Variants in FBN2 observed in about 807,000 individuals in gnomAD.
FBN2 encodes the protein fibrillin-2.
FBN2 carries 105 observed loss-of-function variants against 355.6 expected under a neutral mutation model. The observed-to-expected ratio is 0.30, with a 90% confidence interval of 0.25 to 0.35. FBN2 has a LOEUF of 0.35. FBN2 is among the 10% of genes least tolerant of loss of function. The probability of loss-of-function intolerance (pLI) is 1.00; values close to 1 mark genes in which losing one functional copy is unlikely to be tolerated. For synonymous variants in FBN2, 1,350 were observed against 1,301.2 expected (o/e 1.04, Z -0.81); for missense variants, 3,280 against 3,758.7 (o/e 0.87, Z 3.33).
At chr5:128,261,634 G>A in intron 64 of FBN2, 102 bp downstream of exon 64, 3 of 973,800 alleles carry the variant, frequency 3.1e-6, no homozygotes, top group Middle Eastern at 2.1e-4. Flanking sequence ...TAAATTCAAG[G>A]TATGATTAAC....
At chr5:128,384,699 G>A (rs1752321065) in intron 11 of FBN2, among the ~76,000 whole-genome samples, 1 of 151,990 alleles carries the variant, frequency 6.6e-6, no homozygotes, top group Non-Finnish European at 1.5e-5. Flanking sequence ...CAGGGTACAT[G>A]GGCTGGGAAA....
Position 128,328,726 on chromosome 5 carries a change from T to C in FBN2, c.4441A>G (p.Thr1481Ala). 6.2e-7 allele frequency: 1 copy of C among 1,614,108 alleles called. No homozygotes were observed. Among genetic ancestry groups the C allele is most frequent in the Non-Finnish European group, 8.5e-7 (1 of 1,180,022 alleles). ...AYRCECEMGF[T>A]PASDSRSCQD... ...CAGGATCTGCTGTCTGAGGCTGGAG[T>C]GAAGCCCATCTCACACTCGCAGCGA... Residue 1481 changes from threonine (T) to alanine (A), a missense_variant, in exon 34 of 65, where the codon ACT becomes GCT. By Grantham distance (58) the Thr-to-Ala change is moderately conservative (BLOSUM62 0). Around this residue, in one of 6 missense-constraint regions of FBN2, gnomAD observed 2,284 missense variants for 2,749.5 expected, o/e 0.83. Transcript: ENST00000262464.
intron 19 of FBN2, among the ~76,000 whole-genome samples, chr5:128,358,473 A>G (rs1308889083): frequency 6.6e-6 from 1 of 152,158 alleles, no homozygotes. Flanking sequence ...ACATAAACAA[A>G]TAACTAGAGG....
At chr5:128,310,780 A>G (rs977838196) in intron 39 of FBN2, among the ~76,000 whole-genome samples, 1 of 152,168 alleles carries the variant, frequency 6.6e-6, no homozygotes, top group Non-Finnish European at 1.5e-5. Context: ...ATGATGAGTA[A>G]GATGTGGACC....
At chr5:128,391,476 G>A (rs191772486) in intron 11 of FBN2, among the ~76,000 whole-genome samples, 47 of 152,080 alleles carry the variant, frequency 3.1e-4, no homozygotes, top group Admixed American at 5.9e-4. Context: ...AACATGCAAT[G>A]GATTCATTGT....
At chr5:128,413,011 T>C (rs975504557) in intron 7 of FBN2, among the ~76,000 whole-genome samples, 5 of 152,204 alleles carry the variant, frequency 3.3e-5, no homozygotes, top group Non-Finnish European at 7.4e-5. Context: ...GATGATGACA[T>C]AGTGCTATTA....
intron 18 of FBN2, among the ~76,000 whole-genome samples, chr5:128,363,414 T>C (rs1021261620): frequency 1.3e-5 from 2 of 152,088 alleles, no homozygotes; most frequent in African/African-American, 4.8e-5. Flanking sequence ...GGTCTCAAAC[T>C]CCTAACCTCA....
intron 15 of FBN2, among the ~76,000 whole-genome samples, chr5:128,372,745 G>A (rs1751974488): frequency 6.6e-6 from 1 of 152,126 alleles, no homozygotes. Flanking sequence ...GCCCTACTCG[G>A]AATCCCAAAG....
chr5:128,337,554 G>A (rs1244355253), intron 27 of FBN2, among the ~76,000 whole-genome samples: 1 of 152,202 alleles, frequency 6.6e-6, no homozygotes, highest in Admixed American at 6.5e-5. Flanking sequence ...AGGAAACCCA[G>A]TGTTTCCATG....
Position 128,374,719 on chromosome 5 carries a change from G to A in FBN2, c.2004C>T (p.Cys668=). The A allele has an allele frequency of 6.2e-7, 1 of 1,613,896 alleles. No homozygotes were observed. The highest frequency in any genetic ancestry group is 2.2e-5 in the East Asian group (1 of 44,874). The part of the protein sequence containing the change: ...DVDECQTPGI[C]MNGHCINSEG... ...CACTGTTGATGCAGTGCCCATTCAT[G>A]CAGATTCCTGGGGTCTGGCATTCAT... Residue 668 remains cysteine (C), a synonymous_variant, in exon 15 of 65, where the codon TGC becomes TGT. Coordinates refer to ENST00000262464, the MANE Select transcript of FBN2 (RefSeq NM_001999.4).
intron 7 of FBN2, among the ~76,000 whole-genome samples, chr5:128,423,819 T>C (rs1753416762): frequency 6.6e-6 from 1 of 152,070 alleles, no homozygotes; most frequent in African/African-American, 2.4e-5. Flanking sequence ...GTGGAACATG[T>C]AGGAGATAGG....
Position 128,318,286 on chromosome 5 carries a change from T to A in FBN2, c.4595-15A>T. 6.2e-7 allele frequency: 1 copy of A among 1,614,020 alleles called. No individual in the cohort carries two copies. The highest frequency in any genetic ancestry group is 8.5e-7 in the Non-Finnish European group (1 of 1,179,900). On this transcript the variant is annotated splice_polypyrimidine_tract_variant and intron_variant, in intron 35 of 64. Coordinates refer to ENST00000262464, the MANE Select transcript of FBN2 (RefSeq NM_001999.4). ...CTCATCAATATCTAGGAGAAGCATT[T>A]AAAATGCCCAGGTTACCATTTTTAC... is the stretch of plus-strand genomic sequence containing the variant.
At chr5:128,417,575 T>C (rs1479825933) in intron 7 of FBN2, among the ~76,000 whole-genome samples, 1 of 152,190 alleles carries the variant, frequency 6.6e-6, no homozygotes, top group East Asian at 1.9e-4. Context: ...ATGGATTTTA[T>C]CAAATGCTTT....
At chr5:128,270,718 T>C (rs1463100573) in intron 62 of FBN2, among the ~76,000 whole-genome samples, 1 of 152,200 alleles carries the variant, frequency 6.6e-6, no homozygotes, top group Non-Finnish European at 1.5e-5. Context: ...ATAGGCAACC[T>C]ACAGAATGTT....
At chr5:128,447,605 C>T (rs529724532) in intron 6 of FBN2, among the ~76,000 whole-genome samples, 2 of 152,272 alleles carry the variant, frequency 1.3e-5, no homozygotes, top group East Asian at 1.9e-4. Flanking sequence ...ATTTTAATTT[C>T]GGCCCGGTCC....
intron 41 of FBN2, among the ~76,000 whole-genome samples, chr5:128,307,465 G>T (rs887757292): frequency 2.6e-5 from 4 of 151,704 alleles, no homozygotes; most frequent in Non-Finnish European, 1.5e-5. Flanking sequence ...ATCATTATAA[G>T]ATTCAAAATG....
chr5:128,381,737 C>T (rs2047100811), intron 11 of FBN2, among the ~76,000 whole-genome samples: 1 of 152,074 alleles, frequency 6.6e-6, no homozygotes, highest in Admixed American at 6.6e-5. Flanking sequence ...ATATCTATCA[C>T]TTAAAGAAGC....
At chr5:128,415,488 A>C (rs1366856937) in intron 7 of FBN2, among the ~76,000 whole-genome samples, 1 of 152,182 alleles carries the variant, frequency 6.6e-6, no homozygotes, top group Non-Finnish European at 1.5e-5. Context: ...ATTTCACTTA[A>C]CATAAATACC....
At chr5:128,348,256 A>G (rs1239746284) in intron 23 of FBN2, among the ~76,000 whole-genome samples, 1 of 152,022 alleles carries the variant, frequency 6.6e-6, no homozygotes, top group African/African-American at 2.4e-5. Context: ...TAAAATTTCG[A>G]TAGTTTTGGG....
Sources: gnomAD v4.1 joint callset for allele counts (sites outside exome capture counted in the v4.1 genomes callset) on GRCh38, gnomAD v4.1.1 for gene constraint, gnomAD v4.1.1 regional missense constraint, MANE v1.5 for transcripts, NCBI Gene and HGNC (gene_info 2026-07-23, HGNC 2026-07-21) for gene names.